KCNC2: variants seen among roughly 807,000 people sequenced by gnomAD.
KCNC2 encodes potassium voltage-gated channel subfamily C member 2.
Under a neutral mutation model 44.5 loss-of-function variants are expected in KCNC2, and 21 were observed. The observed-to-expected ratio is 0.47, with a 90% confidence interval of 0.33 to 0.68. The LOEUF is 0.68. KCNC2 is among the 30% of genes least tolerant of loss of function. The pLI, the probability that KCNC2 is intolerant of heterozygous loss-of-function variation, is 0.01. For synonymous variants in KCNC2, 391 were observed against 339.1 expected (o/e 1.15, Z -1.68); for missense variants, 589 against 826.2 (o/e 0.71, Z 3.52).
intron 2 of KCNC2, among the ~76,000 whole-genome samples, chr12:75,202,581 T>G (rs941717802): frequency 6.6e-6 from 1 of 151,786 alleles, no homozygotes; most frequent in Non-Finnish European, 1.5e-5. Flanking sequence ...TGAAAGAAAC[T>G]TGGCCACACC....
intron 2 of KCNC2, among the ~76,000 whole-genome samples, chr12:75,187,926 C>T (rs912157807): frequency 2.6e-5 from 4 of 152,094 alleles, no homozygotes; most frequent in Non-Finnish European, 5.9e-5. Context: ...ATTAAAAGCC[C>T]TCTTTTTGTC....
chr12:75,140,029 A>G (rs1889523548), intron 2 of KCNC2: 1 of 152,208 alleles, frequency 6.6e-6, no homozygotes, highest in Non-Finnish European at 1.5e-5. Flanking sequence ...AGAATCATAT[A>G]TTAACTAGGG....
intron 2 of KCNC2, among the ~76,000 whole-genome samples, chr12:75,120,985 C>T (rs1311909940): frequency 1.3e-5 from 2 of 152,158 alleles, no homozygotes; most frequent in Non-Finnish European, 2.9e-5. Flanking sequence ...TATAGGGCAA[C>T]TTTCCAATAG....
intron 2 of KCNC2, among the ~76,000 whole-genome samples, chr12:75,183,628 C>T (rs1050222051): frequency 6.6e-6 from 1 of 152,114 alleles, no homozygotes; most frequent in African/African-American, 2.4e-5. Flanking sequence ...AAAATTTTAA[C>T]ATAATCATTA....
Position 75,042,948 on chromosome 12 carries a change from C to T in KCNC2, c.*157G>A. The T allele has an allele frequency of 7.1e-7, 1 of 1,405,256 alleles. No homozygotes were observed. The highest frequency in any genetic ancestry group is 9.3e-7 in the Non-Finnish European group (1 of 1,080,594). The allele number at this position is 1,405,256 out of a possible 1,614,324, so 87.0% of individuals were successfully genotyped here. A position where few individuals can be genotyped will look rare whatever the true frequency, so the allele number is the denominator to read the frequency against. ...AGCCTGGGTAAGATTCATTAGCTAC[C>T]CAAGTGGCATTTCTGACTTCAAATT... is the stretch of plus-strand genomic sequence containing the variant. On this transcript the variant is annotated 3_prime_UTR_variant, in exon 5 of 5. Transcript: ENST00000549446.
At chr12:75,158,560 T>A (rs975212289) in intron 2 of KCNC2, among the ~76,000 whole-genome samples, 3 of 151,830 alleles carry the variant, frequency 2.0e-5, no homozygotes, top group Non-Finnish European at 4.4e-5. Flanking sequence ...AAAGCAAGGT[T>A]TTTTCATGGT....
At chr12:75,067,728 T>G (rs545529013) in intron 2 of KCNC2, among the ~76,000 whole-genome samples, 38 of 152,300 alleles carry the variant, frequency 2.5e-4, no homozygotes, top group African/African-American at 9.1e-4. Context: ...ATGGAGAATG[T>G]GTTCAAGAGC....
chr12:75,091,116 C>T (rs1885434816), intron 2 of KCNC2, among the ~76,000 whole-genome samples: 1 of 151,662 alleles, frequency 6.6e-6, no homozygotes, highest in Non-Finnish European at 1.5e-5. Flanking sequence ...GCAAAGATCA[C>T]ATTTGTAGTC....
chr12:75,194,321 C>A (rs916436307), intron 2 of KCNC2, among the ~76,000 whole-genome samples: 2 of 152,122 alleles, frequency 1.3e-5, no homozygotes, highest in Admixed American at 1.3e-4. Flanking sequence ...AGGGGATCAT[C>A]ATGTGAAGAT....
intron 2 of KCNC2, among the ~76,000 whole-genome samples, chr12:75,180,808 C>T (rs1246098449): frequency 6.6e-6 from 1 of 151,898 alleles, no homozygotes; most frequent in Non-Finnish European, 1.5e-5. Flanking sequence ...TTAAAGTTAT[C>T]CTTCTTTGAT....
intron 2 of KCNC2, among the ~76,000 whole-genome samples, chr12:75,197,178 G>A (rs2030843087): frequency 6.6e-6 from 1 of 152,012 alleles, no homozygotes; most frequent in African/African-American, 2.4e-5. Flanking sequence ...TGATAAAACA[G>A]TGTCCATTGC....
intron 2 of KCNC2, among the ~76,000 whole-genome samples, chr12:75,175,540 T>C (rs1565664272): frequency 6.6e-6 from 1 of 151,956 alleles, no homozygotes; most frequent in Non-Finnish European, 1.5e-5. Flanking sequence ...TTCTGGTCAA[T>C]GAATTGCAAG....
intron 2 of KCNC2, among the ~76,000 whole-genome samples, chr12:75,117,017 T>C (rs1204115969): frequency 6.6e-6 from 1 of 152,164 alleles, no homozygotes; most frequent in Admixed American, 6.5e-5. Context: ...ACATTTTTTT[T>C]CTTCTGTTTT....
At chr12:75,043,695 C>T in intron 4 of KCNC2, 1 of 1,385,164 alleles carries the variant, frequency 7.2e-7, no homozygotes, top group Non-Finnish European at 9.4e-7. Flanking sequence ...TTTAAATGGA[C>T]AACTCTTTTT....
At chr12:75,128,477 A>C (rs756296742) in intron 2 of KCNC2, among the ~76,000 whole-genome samples, 2 of 152,194 alleles carry the variant, frequency 1.3e-5, no homozygotes, top group Non-Finnish European at 2.9e-5. Context: ...ACCTACTCAA[A>C]GAAGGGATTA....
rs772857698 is a variant in KCNC2 at position 75,041,158 on chromosome 12, A to T, written c.*1947T>A. ...ATAGTCCTTGGTATGGCTAAATTCC[A>T]CTGTCCCTTTCTCAGCAGTCAATAA... On this transcript the variant is annotated 3_prime_UTR_variant, in exon 5 of 5. Coordinates refer to ENST00000549446, the MANE Select transcript of KCNC2 (RefSeq NM_139137.4). 59 of 1,596,700 alleles carry T rather than the reference A, an allele frequency of 3.7e-5. No individual in the cohort carries two copies. The East Asian group carries it at 1.3e-3, about 34-fold the overall frequency.
chr12:75,100,056 T>A (rs1218292553), intron 2 of KCNC2, among the ~76,000 whole-genome samples: 1 of 152,180 alleles, frequency 6.6e-6, no homozygotes, highest in Non-Finnish European at 1.5e-5. Flanking sequence ...GTGGGGCTTT[T>A]ACTCCTCTTT....
At chr12:75,099,370 T>C (rs917159729) in intron 2 of KCNC2, among the ~76,000 whole-genome samples, 1 of 152,178 alleles carries the variant, frequency 6.6e-6, no homozygotes, top group Non-Finnish European at 1.5e-5. Flanking sequence ...ACACTTTTTG[T>C]TCTGTCTATG....
Position 75,207,207 on chromosome 12 carries a change from C to T in KCNC2, c.687+90G>A. ...TCCCGGGTCTCTTCTACCCCCCATG[C>T]CTGAGGCCCTGGGGTGGAAAAGAAC... On this transcript the variant is annotated intron_variant, in intron 2 of 4. Coordinates refer to ENST00000549446, the MANE Select transcript of KCNC2 (RefSeq NM_139137.4). The surrounding 1 kb of genome is among the most constrained non-coding windows in gnomAD (Gnocchi z 4.1). 6.8e-7 allele frequency: 1 copy of T among 1,481,072 alleles called. No homozygotes were observed. The highest frequency in any genetic ancestry group is 2.8e-5 in the Admixed American group (1 of 35,872). 91.7% of individuals were successfully genotyped at this position (1,481,072 alleles called of 1,614,324 possible).
Sources: allele counts gnomAD v4.1 joint callset (sites outside exome capture counted in the v4.1 genomes callset), GRCh38; gene constraint gnomAD v4.1.1; non-coding constraint Gnocchi (gnomAD v3.1); transcripts MANE v1.5; gene names NCBI Gene and HGNC (gene_info 2026-07-23, HGNC 2026-07-21).